Variants in URGCP observed in about 807,000 individuals in gnomAD.
URGCP encodes the protein up-regulator of cell proliferation.
In URGCP, 13 loss-of-function variants were observed where a neutral mutation model predicts 24.6. The ratio of observed to expected loss-of-function variants is 0.53; its 90% CI spans 0.34 to 0.84. The LOEUF is 0.84. Ranked by LOEUF, URGCP falls within the 40% of genes least tolerant of loss-of-function variation. URGCP has a pLI of 0.01. For missense variants in URGCP, 899 were observed against 1,194.3 expected, an observed-to-expected ratio of 0.75 and a Z score of 3.64; for synonymous variants, 444 against 487.2, an observed-to-expected ratio of 0.91 and a Z score of 1.17.
chr7:43,888,489 A>G (rs2095865464), intron 1 of URGCP: 1 of 151,564 alleles, frequency 6.6e-6, no homozygotes, highest in South Asian at 2.1e-4. Flanking sequence ...TGACAAGAAC[A>G]AAACTCCATC....
chr7:43,925,506 T>A (rs2095928287), intron 1 of URGCP, among the ~76,000 whole-genome samples: 1 of 152,152 alleles, frequency 6.6e-6, no homozygotes, highest in Admixed American at 6.5e-5. Context: ...ATTTTTATTT[T>A]TTATTATTTT....
chr7:43,906,377 G>A (rs1207167166), intron 1 of URGCP, 185 bp downstream of exon 1: 1 of 394,844 alleles, frequency 2.5e-6, no homozygotes, highest in Non-Finnish European at 2.8e-6. Flanking sequence ...CCACGCCCGC[G>A]CGGCCGGTCC....
intron 5 of URGCP, 92 bp downstream of exon 5, chr7:43,881,567 A>C: frequency 2.5e-6 from 4 of 1,571,026 alleles, no homozygotes; most frequent in Non-Finnish European, 3.5e-6. Flanking sequence ...CTGCCTCCCC[A>C]GGTGATTTGA....
chr7:43,879,205 C>G lies in URGCP; in HGVS notation c.258G>C (p.Gln86His), dbSNP rs780413725. Residue 86 changes from glutamine (Q) to histidine (H), a missense_variant, in exon 6 of 6, where the codon CAG (glutamine) becomes CAC (histidine). Gln to His is a conservative substitution (Grantham distance 24). Coordinates refer to ENST00000453200, the MANE Select transcript of URGCP (RefSeq NM_001077663.3). Reference sequence around the variant, plus strand: ...AGTCCTGGAGGCTGAGTTTCTGGACCTGGTACGTCTCTAGGCCCAAAAGTG... The same window carrying G: ...AGTCCTGGAGGCTGAGTTTCTGGACGTGGTACGTCTCTAGGCCCAAAAGTG... ...MLSLLGLETY[Q>H]VQKLSLQDSL... 1.9e-6 allele frequency: 3 copies of G among 1,613,646 alleles called. No homozygotes were observed. In the South Asian group the frequency reaches 3.3e-5, roughly 18 times the overall value.
At chr7:43,902,135 G>A (rs982374461) in intron 1 of URGCP, among the ~76,000 whole-genome samples, 1 of 150,864 alleles carries the variant, frequency 6.6e-6, no homozygotes, top group African/African-American at 2.4e-5. Context: ...GGGAGGAGGA[G>A]GGGAAGGGAA....
intron 1 of URGCP, among the ~76,000 whole-genome samples, chr7:43,924,654 T>C (rs1255616169): frequency 6.6e-6 from 1 of 152,200 alleles, no homozygotes. Flanking sequence ...GGGTGATGCT[T>C]GAGCTGGCTT....
At chr7:43,910,428 C>T (rs929297225), upstream of URGCP, among the ~76,000 whole-genome samples, 3 of 130,982 alleles carry the variant, frequency 2.3e-5, no homozygotes, top group African/African-American at 5.9e-5. Context: ...CAGGATTTCC[C>T]CATGTTGTCC....
Position 43,876,596 on chromosome 7 carries a change from C to T in URGCP, c.*71G>A. Reference sequence around the variant, plus strand: ...ATTCTCAGGCACCAGAGCACAGCCCCACACGGGTGCCCCATCAGACAGGGC... The same window carrying T: ...ATTCTCAGGCACCAGAGCACAGCCCTACACGGGTGCCCCATCAGACAGGGC... On this transcript the variant is annotated 3_prime_UTR_variant, in exon 6 of 6. Coordinates refer to ENST00000453200, the MANE Select transcript of URGCP (RefSeq NM_001077663.3). The T allele has an allele frequency of 6.6e-7, 1 of 1,522,730 alleles. No individual in the cohort carries two copies. Among genetic ancestry groups the T allele is most frequent in the Non-Finnish European group, 8.9e-7 (1 of 1,121,026 alleles). 94.3% of individuals were successfully genotyped at this position (1,522,730 alleles called of 1,614,324 possible).
At chr7:43,892,601 C>A (rs1404800165) in intron 1 of URGCP, among the ~76,000 whole-genome samples, 1 of 152,070 alleles carries the variant, frequency 6.6e-6, no homozygotes, top group East Asian at 1.9e-4. Context: ...ATATGTGAAC[C>A]CACCCTAATC....
At chr7:43,899,219 A>G (rs1015782286) in intron 1 of URGCP, among the ~76,000 whole-genome samples, 3 of 147,134 alleles carry the variant, frequency 2.0e-5, no homozygotes, top group African/African-American at 7.4e-5. Context: ...AAATATAAAT[A>G]TTTATATTTA....
At chr7:43,923,016 T>G (rs2095924345) in intron 1 of URGCP, among the ~76,000 whole-genome samples, 1 of 152,070 alleles carries the variant, frequency 6.6e-6, no homozygotes, top group Non-Finnish European at 1.5e-5. Flanking sequence ...AGTCTCGCTC[T>G]GTTGCCCAGG....
chr7:43,880,083 C>A (rs1178753585), intron 5 of URGCP, among the ~76,000 whole-genome samples: 2 of 152,022 alleles, frequency 1.3e-5, no homozygotes, highest in African/African-American at 2.4e-5. Flanking sequence ...GCCACCACAC[C>A]CAGCTCATCC....
At chr7:43,922,950 C>T (rs1005270369) in intron 1 of URGCP, among the ~76,000 whole-genome samples, 2 of 150,654 alleles carry the variant, frequency 1.3e-5, no homozygotes, top group Non-Finnish European at 3.0e-5. Context: ...TTCCTTCTCT[C>T]TTTCTCTCTC....
Position 43,878,149 on chromosome 7 carries a change from C to T in URGCP, c.1314G>A (p.Val438=), listed in dbSNP as rs1171149183. The change falls in exon 6 of 6, where the codon GTG becomes GTA. Residue 438 remains valine (V), a synonymous_variant. Coordinates refer to ENST00000453200, the MANE Select transcript of URGCP (RefSeq NM_001077663.3). This position sits in a 1 kb window ranked among gnomAD's most constrained non-coding sequence, Gnocchi z 5.6. ...VKRIRAIVGN[V]LRAPCRRVSV... The stretch of plus-strand genomic sequence containing the variant: ...ATACCCGCCTGCAGGGTGCCCGCAG[C>T]ACATTCCCAACGATGGCCCGGATCC... 1 of 1,614,266 alleles carries T rather than the reference C, an allele frequency of 6.2e-7. No homozygotes were observed. Among genetic ancestry groups the T allele is most frequent in the African/African-American group, 1.3e-5 (1 of 75,072 alleles).
chr7:43,900,125 A>T (rs1453217072), intron 1 of URGCP, among the ~76,000 whole-genome samples: 1 of 151,662 alleles, frequency 6.6e-6, no homozygotes, highest in Admixed American at 6.6e-5. Flanking sequence ...AGCCTGGGAG[A>T]CTCAGCAAAA....
intron 3 of URGCP, among the ~76,000 whole-genome samples, chr7:43,883,321 A>AATATATATATATATACATATATATATAT (rs1285669264): frequency 4.5e-5 from 6 of 134,584 alleles, no homozygotes; most frequent in Non-Finnish European, 7.8e-5. Context: ...TATATATATA[A>AATATATATATATATACATATATATATAT]ATATATATAT....
In URGCP at chr7:43,918,829, C is replaced by G. The variant is rs916527813; in HGVS notation, c.-116+7303G>C. 104 of 1,303,170 alleles carry G rather than the reference C, an allele frequency of 8.0e-5. No individual in the cohort carries two copies. The East Asian group carries it at 2.3e-3, about 29-fold the overall frequency. The allele number at this position is 1,303,170 out of a possible 1,614,324, so 80.7% of individuals were successfully genotyped here. ...ATGGAGGAGTTCGCTACTGAGGGCA[C>G]TGACCACAAGGACATCTTTTTCTAC... On this transcript the variant is annotated intron_variant, in intron 1 of 5. Transcript: ENST00000426198.
chr7:43,905,052 T>C (rs1018665077), intron 1 of URGCP, among the ~76,000 whole-genome samples: 8 of 152,104 alleles, frequency 5.3e-5, no homozygotes, highest in Non-Finnish European at 1.0e-4. Flanking sequence ...GTCACACAAA[T>C]AATCACAACC....
chr7:43,881,560 C>A, intron 5 of URGCP, 99 bp downstream of exon 5: 1 of 1,535,372 alleles, frequency 6.5e-7, no homozygotes. Flanking sequence ...GAGTGCTCTG[C>A]CTCCCCAGGT....
Sources: gnomAD v4.1 joint callset for allele counts (sites outside exome capture counted in the v4.1 genomes callset) on GRCh38, gnomAD v4.1.1 for gene constraint, Gnocchi (gnomAD v3.1) non-coding constraint, MANE v1.5 for transcripts, NCBI Gene and HGNC (gene_info 2026-07-23, HGNC 2026-07-21) for gene names.